The following IGSF10 variants were observed in gnomAD, a reference collection of about 807,000 sequenced individuals.
IGSF10 encodes the protein immunoglobulin superfamily member 10.
In IGSF10, 126 loss-of-function variants were observed where a neutral mutation model predicts 128.2. That is an observed-to-expected ratio of 0.98 (90% CI 0.85 to 1.14). The LOEUF (loss-of-function observed/expected upper bound fraction) is 1.14. Ranked by LOEUF, IGSF10 falls within the 50% of genes most tolerant of loss-of-function variation. IGSF10 has a pLI of 0.00. For synonymous variants in IGSF10, 1,185 were observed against 1,146.2 expected, an observed-to-expected ratio of 1.03 and a Z score of -0.68; for missense variants, 3,295 against 3,149.8, an observed-to-expected ratio of 1.05 and a Z score of -1.10.
the IGSF10 span, among the ~76,000 whole-genome samples, chr3:151,479,688 G>C: frequency 3.3e-5 from 5 of 152,118 alleles, no homozygotes; most frequent in Non-Finnish European, 5.9e-5. Context: ...TGGAATCTGA[G>C]AACTCCAAAT....
chr3:151,580,840 C>T, the IGSF10 span, among the ~76,000 whole-genome samples: 1 of 152,104 alleles, frequency 6.6e-6, no homozygotes, highest in Non-Finnish European at 1.5e-5. Flanking sequence ...TAGCAGAATT[C>T]TTCACTTGTT....
the IGSF10 span, among the ~76,000 whole-genome samples, chr3:151,582,495 T>C: frequency 2.0e-5 from 3 of 152,158 alleles, no homozygotes; most frequent in Admixed American, 2.0e-4. Context: ...AATGGAATAA[T>C]ATAATATATA....
the IGSF10 span, among the ~76,000 whole-genome samples, chr3:151,573,306 C>CTGTCTAAT: frequency 1.3e-5 from 2 of 152,176 alleles, no homozygotes; most frequent in Non-Finnish European, 2.9e-5. Context: ...GCTCGTTGAT[C>CTGTCTAAT]TGTCTAATAT....
the IGSF10 span, among the ~76,000 whole-genome samples, chr3:151,470,558 G>C: frequency 4.3e-3 from 650 of 152,254 alleles, 7 homozygotes; most frequent in Middle Eastern, 0.048. Context: ...GCCAAATAAA[G>C]TTGACCTTAC....
chr3:151,492,894 G>C, the IGSF10 span, among the ~76,000 whole-genome samples: 1 of 152,070 alleles, frequency 6.6e-6, no homozygotes, highest in South Asian at 2.1e-4. Context: ...TCTGTCTGTT[G>C]ATAAAGGAAA....
Position 151,438,373 on chromosome 3 carries a change from G to C in IGSF10, c.6188C>G (p.Ser2063Cys), listed in dbSNP as rs1302862063. 3.1e-6 allele frequency: 5 copies of C among 1,614,168 alleles called. No individual in the cohort carries two copies. The South Asian group carries it at 5.5e-5, about 18-fold the overall frequency. The change falls in exon 8 of 8, where the codon TCC (serine) becomes TGC (cysteine). Residue 2063 changes from serine to cysteine, a missense_variant. Ser to Cys is a moderately radical substitution (Grantham distance 112, BLOSUM62 -1). Coordinates refer to ENST00000282466, the MANE Select transcript of IGSF10 (RefSeq NM_178822.5). The part of the protein sequence containing the change: ...GKDFQVDCKA[S>C]GSPVPEISWS... The stretch of plus-strand genomic sequence containing the variant: ...AGATATCTCTGGCACTGGGGAGCCG[G>C]AAGCTTTGCAATCTACTTGGAAATC...
Position 151,448,551 on chromosome 3 carries a change from C to T in IGSF10, c.1430G>A (p.Arg477Lys), listed in dbSNP as rs1332000080. The T allele has an allele frequency of 1.2e-6, 2 of 1,614,200 alleles. No homozygotes were observed. Among genetic ancestry groups the T allele is most frequent in the East Asian group, 2.2e-5 (1 of 44,888 alleles). ...ATGTTCCAGCTTAGTATTGTTATCCCTTGAAATCATAGTCCATTTGTGTTT... is the reference window on the plus strand; with the variant it reads ...ATGTTCCAGCTTAGTATTGTTATCCTTTGAAATCATAGTCCATTTGTGTTT... ...PVKHKWTMISRDNNTKLEHTV... is the reference protein window; with the variant it reads ...PVKHKWTMISKDNNTKLEHTV... The change falls in exon 6 of 8, where the codon AGG becomes AAG. Residue 477 changes from arginine to lysine, a missense_variant. Transcript: ENST00000282466.
the IGSF10 span, among the ~76,000 whole-genome samples, chr3:151,526,623 T>C: frequency 6.6e-6 from 1 of 152,186 alleles, no homozygotes; most frequent in African/African-American, 2.4e-5. Context: ...ATAAGTTATT[T>C]AGGTTCTTCT....
chr3:151,501,806 C>T, the IGSF10 span, among the ~76,000 whole-genome samples: 11 of 151,994 alleles, frequency 7.2e-5, no homozygotes, highest in Non-Finnish European at 8.8e-5. Flanking sequence ...GCTTCCTTGA[C>T]CTTTTCAGAT....
the IGSF10 span, among the ~76,000 whole-genome samples, chr3:151,556,381 C>G: frequency 2.0e-4 from 30 of 152,264 alleles, 1 homozygote; most frequent in Admixed American, 1.1e-3. Context: ...AATGAGCACA[C>G]TTTCCCTTGC....
chr3:151,437,044 C>CAGAT lies in IGSF10; in HGVS notation c.7513_7516dup (p.Cys2506TyrfsTer3), dbSNP rs754233345. 58 of 1,614,148 alleles carry CAGAT rather than the reference C, an allele frequency of 3.6e-5. No homozygotes were observed. Among genetic ancestry groups the CAGAT allele is most frequent in the African/African-American group, 3.2e-4 (24 of 75,060 alleles). On this transcript the variant is annotated frameshift_variant, in exon 8 of 8. Coordinates refer to ENST00000282466, the MANE Select transcript of IGSF10 (RefSeq NM_178822.5). LOFTEE classifies it low-confidence loss of function (END_TRUNC). ...ATGACCAACACTATTTTGAGCCTTA[C>CAGAT]AGATATAGTTTCCTCTGTCATAAGC...
the IGSF10 span, among the ~76,000 whole-genome samples, chr3:151,590,021 C>T: frequency 6.6e-6 from 1 of 151,730 alleles, no homozygotes; most frequent in Non-Finnish European, 1.5e-5. Context: ...AGTGAATGAT[C>T]AAGTTGGGTA....
chr3:151,558,005 A>ATT, the IGSF10 span, among the ~76,000 whole-genome samples: 5 of 39,554 alleles, frequency 1.3e-4, no homozygotes, highest in African/African-American at 3.7e-4. Flanking sequence ...AAGTATATAT[A>ATT]ATATATATAT....
the IGSF10 span, among the ~76,000 whole-genome samples, chr3:151,533,677 G>A: frequency 4.3e-4 from 65 of 152,178 alleles, no homozygotes; most frequent in East Asian, 3.9e-3. Flanking sequence ...AGACTTACAC[G>A]TAAGACCTAA....
the IGSF10 span, among the ~76,000 whole-genome samples, chr3:151,546,457 C>T: frequency 6.6e-6 from 1 of 152,036 alleles, no homozygotes; most frequent in African/African-American, 2.4e-5. Flanking sequence ...AAGCGATCCT[C>T]CCACCTCAGC....
chr3:151,436,495 T>C lies in IGSF10; in HGVS notation c.*194A>G. 2.2e-6 allele frequency: 1 copy of C among 463,096 alleles called. No individual in the cohort carries two copies. Among genetic ancestry groups the C allele is most frequent in the Non-Finnish European group, 3.8e-6 (1 of 266,602 alleles). 28.7% of individuals were successfully genotyped at this position (463,096 alleles called of 1,614,324 possible). A position where few individuals can be genotyped will look rare whatever the true frequency, so the allele number is the denominator to read the frequency against. ...AAGTGCCTTAAGTTAAAAGTTTGTT[T>C]TGAGATCCATTAAATAAATCAGTAT... On this transcript the variant is annotated 3_prime_UTR_variant, in exon 8 of 8. Transcript: ENST00000282466.
the IGSF10 span, among the ~76,000 whole-genome samples, chr3:151,551,942 C>A: frequency 6.6e-6 from 1 of 152,228 alleles, no homozygotes; most frequent in East Asian, 1.9e-4. Flanking sequence ...CCATTGTAAT[C>A]AAATCCAATG....
the IGSF10 span, among the ~76,000 whole-genome samples, chr3:151,547,452 A>ACG: frequency 3.3e-5 from 5 of 151,626 alleles, no homozygotes; most frequent in Admixed American, 6.6e-5. Flanking sequence ...ACACACACAC[A>ACG]CACACACGTT....
chr3:151,513,950 CA>C, the IGSF10 span, among the ~76,000 whole-genome samples: 1 of 152,104 alleles, frequency 6.6e-6, no homozygotes, highest in African/African-American at 2.4e-5. Context: ...AACTACCAAC[CA>C]CTGCTCAAGG....
Sources: allele counts gnomAD v4.1 joint callset (sites outside exome capture counted in the v4.1 genomes callset), GRCh38; gene constraint gnomAD v4.1.1; transcripts MANE v1.5; gene names NCBI Gene and HGNC (gene_info 2026-07-23, HGNC 2026-07-21).